VTCN1: variants seen among roughly 807,000 people sequenced by gnomAD.
VTCN1 encodes V-set domain-containing T-cell activation inhibitor 1.
VTCN1 carries 26 observed loss-of-function variants against 26.5 expected under a neutral mutation model. The observed-to-expected ratio is 0.98, with a 90% CI of 0.72 to 1.36. The LOEUF is 1.36. Among genes scored for constraint, VTCN1 ranks in the 40% most tolerant of loss-of-function variants. The pLI is 0.00. For synonymous variants in VTCN1, 116 were observed against 130.7 expected, an observed-to-expected ratio of 0.89 and a Z score of 0.77; for missense variants, 298 against 337.7, an observed-to-expected ratio of 0.88 and a Z score of 0.92.
At chr1:117,173,553 C>G (rs1477013368) in intron 1 of VTCN1, among the ~76,000 whole-genome samples, 2 of 152,176 alleles carry the variant, frequency 1.3e-5, no homozygotes, top group African/African-American at 4.8e-5. Flanking sequence ...GCCTCTAGAG[C>G]TGAGAGATAA....
At chr1:117,192,975 G>A (rs1388651478) in intron 1 of VTCN1, among the ~76,000 whole-genome samples, 1 of 151,854 alleles carries the variant, frequency 6.6e-6, no homozygotes, top group Non-Finnish European at 1.5e-5. Flanking sequence ...TAATATATTA[G>A]GAAGAAAACA....
chr1:117,184,720 G>T (rs1228600224), intron 1 of VTCN1, among the ~76,000 whole-genome samples: 1 of 152,142 alleles, frequency 6.6e-6, no homozygotes, highest in Non-Finnish European at 1.5e-5. Flanking sequence ...TGCCTGGCAT[G>T]GAGCAAAGGC....
intron 3 of VTCN1, among the ~76,000 whole-genome samples, chr1:117,154,062 A>G (rs1435091267): frequency 2.0e-5 from 3 of 152,200 alleles, no homozygotes; most frequent in Non-Finnish European, 4.4e-5. Context: ...GGGGTAAAAT[A>G]TAATTTATTA....
At chr1:117,176,790 C>T (rs945026308) in intron 1 of VTCN1, among the ~76,000 whole-genome samples, 2 of 152,188 alleles carry the variant, frequency 1.3e-5, no homozygotes, top group African/African-American at 4.8e-5. Context: ...AAGACATTTA[C>T]TTCAGCCTAT....
At chr1:117,196,696 G>A (rs1648530178) in intron 1 of VTCN1, among the ~76,000 whole-genome samples, 1 of 151,802 alleles carries the variant, frequency 6.6e-6, no homozygotes, top group African/African-American at 2.4e-5. Context: ...ATACTTTCCT[G>A]GGTTAGTGGT....
intron 2 of VTCN1, among the ~76,000 whole-genome samples, chr1:117,165,634 A>G (rs1469138022): frequency 6.6e-6 from 1 of 152,158 alleles, no homozygotes; most frequent in Non-Finnish European, 1.5e-5. Flanking sequence ...GCCGTCCATC[A>G]TGACTGAAAG....
intron 3 of VTCN1, among the ~76,000 whole-genome samples, chr1:117,154,030 G>A (rs373487139): frequency 4.6e-5 from 7 of 152,186 alleles, no homozygotes; most frequent in African/African-American, 1.4e-4. Context: ...GTGGGAAAAT[G>A]TTTAAGCCTG....
intron 2 of VTCN1, among the ~76,000 whole-genome samples, chr1:117,165,484 G>A (rs1652561857): frequency 6.6e-6 from 1 of 152,100 alleles, no homozygotes; most frequent in Non-Finnish European, 1.5e-5. Flanking sequence ...AAATGGCTTG[G>A]GTCATCCCCT....
At chr1:117,181,485 A>C (rs1206768255) in intron 1 of VTCN1, among the ~76,000 whole-genome samples, 3 of 152,190 alleles carry the variant, frequency 2.0e-5, no homozygotes, top group Non-Finnish European at 4.4e-5. Context: ...TTCACTGCCC[A>C]GTTGCTCTCT....
At chr1:117,158,923 GTTAAAACATAACAAGAGTCACCT>G (rs1321547627) in intron 2 of VTCN1, among the ~76,000 whole-genome samples, 1 of 152,144 alleles carries the variant, frequency 6.6e-6, no homozygotes, top group African/African-American at 2.4e-5. Flanking sequence ...CAGTCTCTTT[GTTAAAACATAACAAGAGTCACCT>G]TTACTCCAGT....
chr1:117,166,375 T>C (rs183874972), intron 2 of VTCN1, among the ~76,000 whole-genome samples: 168 of 152,272 alleles, frequency 1.1e-3, no homozygotes, highest in African/African-American at 4.0e-3. Context: ...AGTTTAGTCA[T>C]CAAGATTTAG....
chr1:117,156,551 A>G, intron 3 of VTCN1, 23 bp downstream of exon 3: 3 of 1,530,854 alleles, frequency 2.0e-6, no homozygotes, highest in Non-Finnish European at 8.7e-7. Flanking sequence ...GCTTTAAAAA[A>G]TCTCTCTCCA....
intron 1 of VTCN1, among the ~76,000 whole-genome samples, chr1:117,178,002 G>T (rs1469314817): frequency 6.7e-6 from 1 of 149,604 alleles, no homozygotes; most frequent in Non-Finnish European, 1.5e-5. Context: ...GCAGTGGTGC[G>T]ATGGTGGGTC....
chr1:117,207,905 C>T (rs1649142376), intron 1 of VTCN1, among the ~76,000 whole-genome samples: 2 of 152,200 alleles, frequency 1.3e-5, no homozygotes, highest in African/African-American at 4.8e-5. Flanking sequence ...CTCATCTATG[C>T]CAGGTCCCTG....
rs1647267020 is a variant in VTCN1, at chr1:117,175,143, C to T, written c.33-4972G>A. On this transcript the variant is annotated intron_variant, in intron 1 of 5. Coordinates refer to ENST00000369458, the MANE Select transcript of VTCN1 (RefSeq NM_024626.4). This position sits in a 1 kb window ranked among gnomAD's most constrained non-coding sequence, Gnocchi z 4.2. Reference sequence around the variant, plus strand: ...AATTGGGCCTTTGTTAAAACATATGCACATTCCTGAAAAGCCTCACATTCA... The same window carrying T: ...AATTGGGCCTTTGTTAAAACATATGTACATTCCTGAAAAGCCTCACATTCA... Among the ~76,000 whole-genome samples the T allele has an allele frequency of 6.6e-6, 1 of 152,200 alleles. No individual in the cohort carries two copies. Among genetic ancestry groups the T allele is most frequent in the African/African-American group, 2.4e-5 (1 of 41,444 alleles).
intron 1 of VTCN1, among the ~76,000 whole-genome samples, chr1:117,200,858 C>A (rs548616394): frequency 8.6e-4 from 131 of 152,316 alleles, no homozygotes; most frequent in African/African-American, 3.1e-3. Flanking sequence ...CAACCTCCAA[C>A]CTCCCATGTC....
chr1:117,160,717 G>A (rs575672879), intron 2 of VTCN1, among the ~76,000 whole-genome samples: 13 of 152,280 alleles, frequency 8.5e-5, no homozygotes, highest in African/African-American at 2.6e-4. Flanking sequence ...CAAAGCAGAC[G>A]TGTTTGTTGT....
chr1:117,199,704 T>C (rs1338705845), intron 1 of VTCN1, among the ~76,000 whole-genome samples: 1 of 149,354 alleles, frequency 6.7e-6, no homozygotes, highest in Admixed American at 6.7e-5. Context: ...GGTGCAGTCG[T>C]GGCTCACTGC....
Position 117,147,413 on chromosome 1 carries a change from C to T in VTCN1, c.*45+200G>A, listed in dbSNP as rs1221276400. 4.6e-5 allele frequency among the ~76,000 whole-genome samples: 7 copies of T among 152,076 alleles called. No homozygotes were observed. The highest frequency in any genetic ancestry group is 3.9e-4 in the Admixed American group (6 of 15,252). On this transcript the variant is annotated intron_variant, in intron 5 of 5. Coordinates refer to ENST00000369458, the MANE Select transcript of VTCN1 (RefSeq NM_024626.4). The surrounding 1 kb of genome is among the most constrained non-coding windows in gnomAD (Gnocchi z 4.6). ...ATACTTGAATTGTATGTTATTTTTC[C>T]TATGGGTCTGTCAATGAAGTCTATG...
Sources: allele counts gnomAD v4.1 joint callset (sites outside exome capture counted in the v4.1 genomes callset), GRCh38; gene constraint gnomAD v4.1.1; non-coding constraint Gnocchi (gnomAD v3.1); transcripts MANE v1.5; gene names NCBI Gene and HGNC (gene_info 2026-07-23, HGNC 2026-07-21).